TUT4: variants seen among roughly 807,000 people sequenced by gnomAD.
TUT4 encodes terminal uridylyl transferase 4, also known as terminal uridylyltransferase 4.
A neutral mutation model predicts 192.2 loss-of-function variants in TUT4; 36 were observed. The observed-to-expected ratio is 0.19, with a 90% CI of 0.14 to 0.25. TUT4 has a LOEUF of 0.25. TUT4 is among the 10% of genes least tolerant of loss of function. The pLI is 1.00. For synonymous variants in TUT4, 618 were observed against 666.0 expected (o/e 0.93, Z 1.11); for missense variants, 1,493 against 1,957.2 (o/e 0.76, Z 4.47).
chr1:52,423,538 GCAACCA>G lies in TUT4; in HGVS notation c.*391_*396del, dbSNP rs1195031998. The G allele has an allele frequency of 1.7e-5, 4 of 236,936 alleles. No individual in the cohort carries two copies. The highest frequency in any genetic ancestry group is 9.3e-5 in the African/African-American group (4 of 43,088). 14.7% of individuals were successfully genotyped at this position (236,936 alleles called of 1,614,324 possible). On this transcript the variant is annotated 3_prime_UTR_variant, in exon 30 of 30. Transcript: ENST00000257177. Reference sequence around the variant, plus strand: ...TTAAGAACAATATATAAAGTCTGAAGCAACCAAAGTATGAATACAGCTAATAGAAAA... The same window carrying G: ...TTAAGAACAATATATAAAGTCTGAAGAAGTATGAATACAGCTAATAGAAAA...
chr1:52,533,585 C>T (rs958974692), intron 1 of TUT4, among the ~76,000 whole-genome samples: 7 of 152,144 alleles, frequency 4.6e-5, no homozygotes, highest in Non-Finnish European at 7.4e-5. Context: ...AATTCCCTTA[C>T]GCTCTCTCAT....
At chr1:52,468,108 T>C (rs1020088233) in intron 15 of TUT4, 73 bp downstream of exon 15, 1 of 1,132,286 alleles carries the variant, frequency 8.8e-7, no homozygotes, top group Non-Finnish European at 1.3e-6. Context: ...TCAATAAATA[T>C]TTTTAAATAA....
intron 4 of TUT4, among the ~76,000 whole-genome samples, chr1:52,498,937 TA>T (rs1673310608): frequency 2.3e-5 from 2 of 87,798 alleles, no homozygotes; most frequent in African/African-American, 4.7e-5. Context: ...TATATATATA[TA>T]TATATATATA....
chr1:52,509,973 A>G (rs939391146), intron 3 of TUT4, among the ~76,000 whole-genome samples: 23 of 152,198 alleles, frequency 1.5e-4, no homozygotes, highest in Admixed American at 3.9e-4. Context: ...GTAATGCTAA[A>G]TTATGTTTAA....
chr1:52,454,737 A>T (rs1265226818), intron 20 of TUT4, among the ~76,000 whole-genome samples: 2 of 152,176 alleles, frequency 1.3e-5, no homozygotes, highest in Non-Finnish European at 2.9e-5. Context: ...TAAAATTAAA[A>T]TTTTCTGCTC....
intron 4 of TUT4, among the ~76,000 whole-genome samples, chr1:52,497,836 T>C (rs1672846554): frequency 2.0e-5 from 3 of 152,230 alleles, no homozygotes; most frequent in Admixed American, 2.0e-4. Flanking sequence ...CACAATTTCA[T>C]ATCCTACTAT....
Position 52,525,772 on chromosome 1 carries a change from T to A in TUT4, c.509A>T (p.Asp170Val), listed in dbSNP as rs777404869. 5.0e-6 allele frequency: 8 copies of A among 1,614,124 alleles called. No individual in the cohort carries two copies. The highest frequency in any genetic ancestry group is 1.6e-4 in the Middle Eastern group (1 of 6,084). The change falls in exon 2 of 30, where the codon GAC (aspartate) becomes GTC (valine). Residue 170 changes from aspartate to valine, a missense_variant. This residue lies in a region of TUT4 where 260 missense variants were observed against 247.8 expected (regional missense o/e 1.05). Transcript: ENST00000257177. ...AEKGPSLLLKDMRQKTELQQI... is the reference protein window; with the variant it reads ...AEKGPSLLLKVMRQKTELQQI... ...TTGTAATTCTGTCTTCTGTCTCATG[T>A]CTTTCAACAGTAAACTGGGTCCCTT...
At chr1:52,459,085 A>G (rs1570520893) in intron 19 of TUT4, among the ~76,000 whole-genome samples, 1 of 152,186 alleles carries the variant, frequency 6.6e-6, no homozygotes, top group African/African-American at 2.4e-5. Flanking sequence ...ATAAAAAACA[A>G]AGAACAAGGG....
At chr1:52,515,681 A>T in intron 3 of TUT4, 3 of 641,752 alleles carry the variant, frequency 4.7e-6, no homozygotes, top group Non-Finnish European at 8.2e-6. Context: ...GGATGAATGA[A>T]GTCAGACTCA....
intron 19 of TUT4, among the ~76,000 whole-genome samples, chr1:52,458,668 C>A (rs560932366): frequency 6.6e-6 from 1 of 151,884 alleles, no homozygotes; most frequent in Non-Finnish European, 1.5e-5. Context: ...GCAGTGAGAC[C>A]CCATCTTACA....
intron 27 of TUT4, chr1:52,434,596 G>C (rs914295621): frequency 2.0e-5 from 3 of 152,206 alleles, no homozygotes; most frequent in African/African-American, 7.2e-5. Flanking sequence ...CCAGCACTGT[G>C]GGGAGCCAAG....
chr1:52,548,826 C>A (rs1688709279), intron 1 of TUT4, among the ~76,000 whole-genome samples: 1 of 152,210 alleles, frequency 6.6e-6, no homozygotes. Flanking sequence ...TAGTGGTGAA[C>A]ATCAAACTTG....
At chr1:52,472,613 TA>T (rs1432997540) in intron 13 of TUT4, among the ~76,000 whole-genome samples, 7 of 151,536 alleles carry the variant, frequency 4.6e-5, no homozygotes, top group Admixed American at 4.6e-4. Context: ...TAAACTAATT[TA>T]CTAAATTAGT....
chr1:52,525,416 C>A, intron 2 of TUT4, 147 bp downstream of exon 2: 1 of 1,052,582 alleles, frequency 9.5e-7, no homozygotes, highest in Non-Finnish European at 1.3e-6. Flanking sequence ...ACCATTAATG[C>A]AAGTATTATT....
chr1:52,512,570 A>C (rs1041067626), intron 3 of TUT4, among the ~76,000 whole-genome samples: 2 of 152,354 alleles, frequency 1.3e-5, no homozygotes, highest in South Asian at 2.1e-4. Flanking sequence ...CACAACATCA[A>C]ATCAGACAAA....
At chr1:52,529,501 A>G (rs1053940543) in intron 1 of TUT4, among the ~76,000 whole-genome samples, 1 of 152,206 alleles carries the variant, frequency 6.6e-6, no homozygotes, top group Non-Finnish European at 1.5e-5. Flanking sequence ...TTATATTTCT[A>G]AAAGATTAGT....
At chr1:52,440,435 T>TG (rs1197540542) in intron 24 of TUT4, among the ~76,000 whole-genome samples, 2 of 133,990 alleles carry the variant, frequency 1.5e-5, no homozygotes, top group African/African-American at 5.5e-5. Flanking sequence ...CATCCTGTGT[T>TG]TTTTTTTTTT....
intron 9 of TUT4, among the ~76,000 whole-genome samples, chr1:52,484,949 T>C (rs1669422315): frequency 6.6e-6 from 1 of 152,200 alleles, no homozygotes; most frequent in Admixed American, 6.5e-5. Flanking sequence ...CATTCTATCA[T>C]TTCATTTTTG....
rs1211536165 is a variant in TUT4, at chr1:52,431,184, G to A, written c.4540C>T (p.His1514Tyr). The A allele has an allele frequency of 6.2e-7, 1 of 1,614,124 alleles. No homozygotes were observed. Among genetic ancestry groups the A allele is most frequent in the East Asian group, 2.2e-5 (1 of 44,896 alleles). ...PSWPIHGPVIHSAPGSAPSNI... is the reference protein window; with the variant it reads ...PSWPIHGPVIYSAPGSAPSNI... ...CTGGGGGCACTGCCTGGTGCAGAGTGGATCACTGGGCCATGGATGGGCCAG... is the reference window on the plus strand; with the variant it reads ...CTGGGGGCACTGCCTGGTGCAGAGTAGATCACTGGGCCATGGATGGGCCAG... The change falls in exon 28 of 30, where the codon CAC becomes TAC. Residue 1514 changes from histidine to tyrosine, a missense_variant. Transcript: ENST00000257177.
Sources: allele counts gnomAD v4.1 joint callset (sites outside exome capture counted in the v4.1 genomes callset), GRCh38; gene constraint gnomAD v4.1.1; regional missense constraint gnomAD v4.1.1; transcripts MANE v1.5; gene names NCBI Gene and HGNC (gene_info 2026-07-23, HGNC 2026-07-21).